MRE11: variants seen among roughly 807,000 people sequenced by gnomAD.
MRE11 encodes double-strand break repair protein MRE11.
MRE11 carries 62 observed loss-of-function variants against 91.7 expected under a neutral mutation model. That is an observed-to-expected ratio of 0.68 (90% CI 0.55 to 0.84). The LOEUF (loss-of-function observed/expected upper bound fraction) is 0.84. Ranked by LOEUF, MRE11 falls within the 40% of genes least tolerant of loss-of-function variation. The pLI is 0.00. For synonymous variants in MRE11, 273 were observed against 271.4 expected (o/e 1.01, Z -0.06); for missense variants, 796 against 852.9 (o/e 0.93, Z 0.83).
chr11:94,479,601 G>T, intron 5 of MRE11, 73 bp downstream of exon 5: 1 of 1,280,488 alleles, frequency 7.8e-7, no homozygotes, highest in Non-Finnish European at 1.1e-6. Flanking sequence ...AAAAAGGGAA[G>T]GCATGCTTTC....
intron 17 of MRE11, 74 bp downstream of exon 17, chr11:94,437,103 A>G: frequency 1.5e-6 from 2 of 1,309,402 alleles, no homozygotes; most frequent in Non-Finnish European, 2.2e-6. Context: ...TTACTTTGTA[A>G]ATCAGAGAGT....
At chr11:94,461,234 C>G (rs376343741) in intron 11 of MRE11, among the ~76,000 whole-genome samples, 198 bp from the exon 12 acceptor site, 1 of 152,166 alleles carries the variant, frequency 6.6e-6, no homozygotes, top group Non-Finnish European at 1.5e-5. Context: ...ATTTCTCGTT[C>G]ATACCTCCAG....
At position 94,476,303 on chromosome 11, in the gene MRE11, C is replaced by G. The variant is rs786203414; in HGVS notation, c.645G>C (p.Val215=). 1.9e-6 allele frequency: 3 copies of G among 1,611,286 alleles called. No homozygotes were observed. Among genetic ancestry groups the G allele is most frequent in the African/African-American group, 2.7e-5 (2 of 74,978 alleles). The part of the protein sequence containing the change: ...EDENSWFNLF[V]IHQNRSKHGS... ...AAAAGTTTTACCTGTTCTGATGAAT[C>G]ACAAATAAGTTAAACCAAGAGTTCT... The change falls in exon 7 of 20, where the codon GTG becomes GTC. Residue 215 remains valine, a synonymous_variant. Coordinates refer to ENST00000323929, the MANE Select transcript of MRE11 (RefSeq NM_005591.4).
At chr11:94,427,391 C>A (rs937543778) in intron 19 of MRE11, among the ~76,000 whole-genome samples, 2 of 152,032 alleles carry the variant, frequency 1.3e-5, no homozygotes, top group African/African-American at 4.8e-5. Flanking sequence ...AAGGAATATA[C>A]CTCAAAATAA....
chr11:94,467,732 A>G lies in MRE11; in HGVS notation c.1098+81T>C. 3 of 1,243,112 alleles carry G rather than the reference A, an allele frequency of 2.4e-6. No homozygotes were observed. The South Asian group carries it at 3.7e-5, about 15-fold the overall frequency. 77.0% of individuals were successfully genotyped at this position (1,243,112 alleles called of 1,614,324 possible). ...TATTACTATGAGCACTCTCCTCACT[A>G]CTTTTCAAAGAAACCATGTAAACTG... On this transcript the variant is annotated intron_variant, in intron 10 of 19. Transcript: ENST00000323929.
rs1318787124 is a variant in MRE11 at position 94,432,828 on chromosome 11, G to GAAACA, written c.1995-2847_1995-2843dup. 2.6e-5 allele frequency among the ~76,000 whole-genome samples: 4 copies of GAAACA among 152,104 alleles called. No homozygotes were observed. In the East Asian group the frequency reaches 7.8e-4, roughly 30 times the overall value. On this transcript the variant is annotated intron_variant, in intron 18 of 19. Coordinates refer to ENST00000323929, the MANE Select transcript of MRE11 (RefSeq NM_005591.4). ...CTCAAAAAACAAAACAAAACAAAACGAAACAAAACAAAACAAAAACCCTTA... is the reference window on the plus strand; with the variant it reads ...CTCAAAAAACAAAACAAAACAAAACGAAACAAAACAAAACAAAACAAAAACCCTTA...
intron 19 of MRE11, among the ~76,000 whole-genome samples, chr11:94,421,608 T>C (rs1248218984): frequency 3.3e-5 from 5 of 152,236 alleles, no homozygotes; most frequent in Non-Finnish European, 7.3e-5. Flanking sequence ...CATGTTAGTA[T>C]TTAATAGGTA....
At chr11:94,470,383 C>T (rs1010787582) in intron 9 of MRE11, 88 bp downstream of exon 9, 1 of 1,300,104 alleles carries the variant, frequency 7.7e-7, no homozygotes, top group African/African-American at 1.5e-5. Context: ...AACATAAAGG[C>T]TTCCCTCTAC....
intron 4 of MRE11, among the ~76,000 whole-genome samples, chr11:94,485,486 T>C (rs1203867911): frequency 6.6e-6 from 1 of 150,842 alleles, no homozygotes; most frequent in Non-Finnish European, 1.5e-5. Flanking sequence ...AAGTAACTTC[T>C]GCAATTCAGG....
intron 4 of MRE11, among the ~76,000 whole-genome samples, chr11:94,481,308 C>T (rs543471471): frequency 3.2e-4 from 47 of 149,044 alleles, no homozygotes; most frequent in Non-Finnish European, 5.3e-4. Flanking sequence ...GACTCTGTCT[C>T]GAAAAAAAAA....
intron 3 of MRE11, among the ~76,000 whole-genome samples, chr11:94,486,851 G>C (rs1947154352): frequency 6.6e-6 from 1 of 152,164 alleles, no homozygotes; most frequent in African/African-American, 2.4e-5. Flanking sequence ...CTTCAGTGAA[G>C]GAGGGAAATC....
At chr11:94,446,338 C>A (rs926777346) in intron 15 of MRE11, among the ~76,000 whole-genome samples, 1 of 152,010 alleles carries the variant, frequency 6.6e-6, no homozygotes, top group Admixed American at 6.6e-5. Flanking sequence ...ACCTGGGAGG[C>A]GGAAGTTGCA....
At chr11:94,452,706 T>C (rs1349849410) in intron 14 of MRE11, among the ~76,000 whole-genome samples, 1 of 152,212 alleles carries the variant, frequency 6.6e-6, no homozygotes, top group Non-Finnish European at 1.5e-5. Context: ...CTTTGGAATG[T>C]ATTACTTCTA....
At chr11:94,429,269 T>G (rs540902838) in intron 19 of MRE11, among the ~76,000 whole-genome samples, 1 of 152,318 alleles carries the variant, frequency 6.6e-6, no homozygotes, top group East Asian at 1.9e-4. Flanking sequence ...TTATAAGCCA[T>G]TTGGAAATTT....
At chr11:94,424,794 T>C (rs184673829) in intron 19 of MRE11, among the ~76,000 whole-genome samples, 1 of 145,164 alleles carries the variant, frequency 6.9e-6, no homozygotes, top group African/African-American at 2.6e-5. Context: ...CAGAGAAAAA[T>C]AAAGGAAAAA....
chr11:94,423,277 G>A (rs1228666365), intron 19 of MRE11, among the ~76,000 whole-genome samples: 1 of 152,134 alleles, frequency 6.6e-6, no homozygotes, highest in African/African-American at 2.4e-5. Context: ...AGAAAGGGGT[G>A]AGTGAATGGA....
chr11:94,471,576 C>A lies in MRE11; in HGVS notation c.843G>T (p.Lys281Asn), dbSNP rs750098871. 6 of 1,612,090 alleles carry A rather than the reference C, an allele frequency of 3.7e-6. No individual in the cohort carries two copies. The highest frequency in any genetic ancestry group is 5.1e-6 in the Non-Finnish European group (6 of 1,178,752). The change falls in exon 8 of 20, where the codon AAG becomes AAT. Residue 281 changes from lysine to asparagine, a missense_variant and splice_region_variant. Physicochemically the swap from Lys to Asn is moderately conservative, Grantham distance 94. Coordinates refer to ENST00000323929, the MANE Select transcript of MRE11 (RefSeq NM_005591.4). Reference protein sequence around the residue: ...VTSLSPGEAVKKHVGLLRIKG... With the variant: ...VTSLSPGEAVNKHVGLLRIKG... ...GGCTCAAAATATATAACACTCACTT[C>A]TTTACAGCTTCTCCTGGGGAAAGAG...
chr11:94,435,914 A>G lies in MRE11; in HGVS notation c.1927-15T>C. On this transcript the variant is annotated splice_polypyrimidine_tract_variant and intron_variant, in intron 17 of 19. Transcript: ENST00000323929. Reference sequence around the variant, plus strand: ...ACCTCAATCACCTGGCAAGGAAACAAAGCAACAAACAGTTTTTGTGAGAAT... The same window carrying G: ...ACCTCAATCACCTGGCAAGGAAACAGAGCAACAAACAGTTTTTGTGAGAAT... 1 of 1,611,614 alleles carries G rather than the reference A, an allele frequency of 6.2e-7. No homozygotes were observed. The highest frequency in any genetic ancestry group is 8.5e-7 in the Non-Finnish European group (1 of 1,177,978).
intron 18 of MRE11, among the ~76,000 whole-genome samples, chr11:94,435,400 C>T (rs1945578037): frequency 6.6e-6 from 1 of 151,792 alleles, no homozygotes; most frequent in African/African-American, 2.4e-5. Flanking sequence ...ACCAAAAATA[C>T]AAAAAATTAG....
Sources: gnomAD v4.1 joint callset for allele counts (sites outside exome capture counted in the v4.1 genomes callset) on GRCh38, gnomAD v4.1.1 for gene constraint, MANE v1.5 for transcripts, NCBI Gene and HGNC (gene_info 2026-07-23, HGNC 2026-07-21) for gene names.